Variants in CIAO2B observed in about 807,000 individuals in gnomAD.
CIAO2B encodes the protein MSS19-interacting protein of 18 kDa.
In CIAO2B, 20 loss-of-function variants were observed where a neutral mutation model predicts 16.4. The observed-to-expected ratio is 1.22, with a 90% CI of 0.86 to 1.77. The LOEUF (loss-of-function observed/expected upper bound fraction) is 1.77. CIAO2B is among the 40% of genes most tolerant of loss of function. CIAO2B has a pLI of 0.00. For synonymous variants in CIAO2B, 106 were observed against 90.4 expected, an observed-to-expected ratio of 1.17 and a Z score of -0.98; for missense variants, 215 against 222.4, an observed-to-expected ratio of 0.97 and a Z score of 0.21.
In CIAO2B at chr16:66,932,832, G is replaced by A. The variant is rs1230318524; in HGVS notation, c.349-7C>T. The A allele has an allele frequency of 6.2e-7, 1 of 1,611,566 alleles. No homozygotes were observed. Among genetic ancestry groups the A allele is most frequent in the Non-Finnish European group, 8.5e-7 (1 of 1,178,924 alleles). ...GAGTAATGTGCACGTCCATCTGGGA[G>A]GGAGATAACCAGGGCCTGAACACCC... On this transcript the variant is annotated splice_region_variant and splice_polypyrimidine_tract_variant and intron_variant, in intron 3 of 4. Coordinates refer to ENST00000422424, the MANE Select transcript of CIAO2B (RefSeq NM_016062.4).
chr16:66,933,813 G>A (rs948557220), intron 2 of CIAO2B, 74 bp from the exon 3 acceptor site: 1 of 1,540,034 alleles, frequency 6.5e-7, no homozygotes, highest in Non-Finnish European at 8.8e-7. Context: ...TGTTGTTTTG[G>A]GCAAATCATC....
At chr16:66,933,860 T>C (rs1479031339) in intron 2 of CIAO2B, 121 bp from the exon 3 acceptor site, 7 of 1,538,012 alleles carry the variant, frequency 4.6e-6, no homozygotes, top group South Asian at 2.4e-5. Flanking sequence ...ACCCATAAAA[T>C]AGGCACAACA....
chr16:66,932,873 C>A (rs1182314424), intron 3 of CIAO2B, 48 bp from the exon 4 acceptor site: 4 of 1,598,736 alleles, frequency 2.5e-6, no homozygotes, highest in South Asian at 2.3e-5. Flanking sequence ...CCGACCCACA[C>A]TTTTCCCTGC....
chr16:66,934,313 G>C lies in CIAO2B; in HGVS notation c.52C>G (p.Leu18Val), dbSNP rs1288728164. 8.7e-6 allele frequency: 14 copies of C among 1,604,234 alleles called. No individual in the cohort carries two copies. The South Asian group carries it at 1.4e-4, about 16-fold the overall frequency. The change falls in exon 1 of 5, where the codon CTC (leucine) becomes GTC (valine). Residue 18 changes from leucine (L) to valine (V), a missense_variant. Coordinates refer to ENST00000422424, the MANE Select transcript of CIAO2B (RefSeq NM_016062.4). The surrounding 1 kb of genome is among the most constrained non-coding windows in gnomAD (Gnocchi z 4.1). ...CGCTCCCCAGAGCGCTGGTAGATGA[G>C]GGGGTTGGCATTCTCCAGGAGGCCG... ...GGGLLENANP[L>V]IYQRSGERPV...
chr16:66,933,885 A>AG (rs1963122359), intron 2 of CIAO2B, 102 bp downstream of exon 2: 1 of 1,555,800 alleles, frequency 6.4e-7, no homozygotes, highest in Admixed American at 1.9e-5. Flanking sequence ...CCCTCCCCAA[A>AG]GATACCCTTC....
In CIAO2B at chr16:66,932,276, T is replaced by C; in HGVS notation, c.419A>G (p.Glu140Gly). The C allele has an allele frequency of 1.2e-6, 2 of 1,613,744 alleles. No homozygotes were observed. Among genetic ancestry groups the C allele is most frequent in the South Asian group, 1.1e-5 (1 of 91,034 alleles). The change falls in exon 5 of 5, where the codon GAG (glutamate) becomes GGG (glycine). Residue 140 changes from glutamate (E) to glycine (G), a missense_variant. Glu to Gly is a moderately conservative substitution (Grantham distance 98, BLOSUM62 -2). Coordinates refer to ENST00000422424, the MANE Select transcript of CIAO2B (RefSeq NM_016062.4). ...HAVNKQLADKERVAAALENTH... is the reference protein window; with the variant it reads ...HAVNKQLADKGRVAAALENTH... ...GTTCTCCAGGGCAGCTGCCACCCGC[T>C]CCTTATCTGCAAGTTGCTTGTTCAC...
chr16:66,934,218 G>A lies in CIAO2B; in HGVS notation c.142+5C>T, dbSNP rs754812319. The A allele has an allele frequency of 6.2e-6, 10 of 1,608,620 alleles. No individual in the cohort carries two copies. The Admixed American group carries it at 8.4e-5, about 13-fold the overall frequency. On this transcript the variant is annotated splice_donor_5th_base_variant and intron_variant, in intron 1 of 4. Transcript: ENST00000422424. The surrounding 1 kb of genome is among the most constrained non-coding windows in gnomAD (Gnocchi z 4.1). Reference sequence around the variant, plus strand: ...AACCCGCCCGCGCCCAGCAGCGGCGGATATCGAAGATCTCGCGTGCGTCGA... The same window carrying A: ...AACCCGCCCGCGCCCAGCAGCGGCGAATATCGAAGATCTCGCGTGCGTCGA...
intron 4 of CIAO2B, 68 bp from the exon 5 acceptor site, chr16:66,932,368 C>A: frequency 7.7e-7 from 1 of 1,298,562 alleles, no homozygotes. Context: ...GCTAGCCAGC[C>A]CTACCTCTGA....
In CIAO2B at chr16:66,933,666, A is replaced by G. The variant is rs1268905365; in HGVS notation, c.296T>C (p.Ile99Thr). 3.7e-6 allele frequency: 6 copies of G among 1,606,160 alleles called. No homozygotes were observed. The highest frequency in any genetic ancestry group is 1.3e-5 in the African/African-American group (1 of 74,672). ...TIPHCSMATL[I>T]GLSIKVKLLR... Reference sequence around the variant, plus strand: ...AAGCTTGACCTTGATGGACAGACCAATAAGGGTGGCCATGCTGCAGTGCGG... The same window carrying G: ...AAGCTTGACCTTGATGGACAGACCAGTAAGGGTGGCCATGCTGCAGTGCGG... Residue 99 changes from isoleucine to threonine, a missense_variant, in exon 3 of 5, where the codon ATT (isoleucine) becomes ACT (threonine). Ile to Thr is a moderately conservative substitution (Grantham distance 89, BLOSUM62 -1). Transcript: ENST00000422424.
At position 66,934,252 on chromosome 16, in the gene CIAO2B, G is replaced by A. The variant is rs781470049; in HGVS notation, c.113C>T (p.Pro38Leu). The change falls in exon 1 of 5, where the codon CCC becomes CTC. Residue 38 changes from proline to leucine, a missense_variant. Physicochemically the swap from Pro to Leu is moderately conservative, Grantham distance 98. Coordinates refer to ENST00000422424, the MANE Select transcript of CIAO2B (RefSeq NM_016062.4). This position sits in a 1 kb window ranked among gnomAD's most constrained non-coding sequence, Gnocchi z 4.1. ...VTAGEEDEQV[P>L]DSIDAREIFD... ...GATCTCGCGTGCGTCGATGCTGTCGGGAACCTGCTCGTCCTCCTCGCCTGC... is the reference window on the plus strand; with the variant it reads ...GATCTCGCGTGCGTCGATGCTGTCGAGAACCTGCTCGTCCTCCTCGCCTGC... 48 of 1,609,824 alleles carry A rather than the reference G, an allele frequency of 3.0e-5. No homozygotes were observed. Among genetic ancestry groups the A allele is most frequent in the Non-Finnish European group, 3.9e-5 (46 of 1,179,630 alleles).
chr16:66,932,882 G>A (rs1567543636), intron 3 of CIAO2B, 57 bp from the exon 4 acceptor site: 2 of 1,581,104 alleles, frequency 1.3e-6, no homozygotes, highest in Non-Finnish European at 1.7e-6. Context: ...ACTTTTCCCT[G>A]CAGCCCCCAG....
chr16:66,934,153 GCTGCTCGATATCA>G lies in CIAO2B; in HGVS notation c.142+57_142+69del, dbSNP rs1453494766. The G allele has an allele frequency of 3.7e-6, 6 of 1,610,972 alleles. No individual in the cohort carries two copies. Among genetic ancestry groups the G allele is most frequent in the Non-Finnish European group, 5.1e-6 (6 of 1,178,938 alleles). On this transcript the variant is annotated intron_variant, in intron 1 of 4. Transcript: ENST00000422424. The surrounding 1 kb of genome is among the most constrained non-coding windows in gnomAD (Gnocchi z 4.1). Reference sequence around the variant, plus strand: ...GCCCTGCTGGGATGCGGCTCCACCAGCTGCTCGATATCACTGCTCCCCCCACCGCAAGCCCCCG... The same window carrying G: ...GCCCTGCTGGGATGCGGCTCCACCAGCTGCTCCCCCCACCGCAAGCCCCCG...
Position 66,934,008 on chromosome 16 carries a change from T to C in CIAO2B, c.201A>G (p.Val67=), listed in dbSNP as rs745794018. The change falls in exon 2 of 5, where the codon GTA becomes GTG. Residue 67 remains valine (V), a synonymous_variant. Coordinates refer to ENST00000422424, the MANE Select transcript of CIAO2B (RefSeq NM_016062.4). The surrounding 1 kb of genome is among the most constrained non-coding windows in gnomAD (Gnocchi z 4.1). The stretch of plus-strand genomic sequence containing the variant: ...TCACCTGAACCCGCACCTGCTCTAC[T>C]ACGTTCAACTCCTCTAGCGTCAGTG... ...EHPLTLEELN[V]VEQVRVQVSD... is the part of the protein sequence containing the mutation. The C allele has an allele frequency of 1.9e-6, 3 of 1,613,700 alleles. No individual in the cohort carries two copies. Among genetic ancestry groups the C allele is most frequent in the Admixed American group, 3.3e-5 (2 of 59,988 alleles).
At chr16:66,933,890 C>A in intron 2 of CIAO2B, 97 bp downstream of exon 2, 2 of 1,560,586 alleles carry the variant, frequency 1.3e-6, no homozygotes, top group Non-Finnish European at 1.7e-6. Flanking sequence ...CCCAAAGATA[C>A]CCTTCGGTGT....
Position 66,934,379 on chromosome 16 carries a change from C to G in CIAO2B, c.-15G>C. The G allele has an allele frequency of 6.5e-7, 1 of 1,529,400 alleles. No homozygotes were observed. The highest frequency in any genetic ancestry group is 8.7e-7 in the Non-Finnish European group (1 of 1,144,432). The allele number at this position is 1,529,400 out of a possible 1,614,324, so 94.7% of individuals were successfully genotyped here. ...CCGCCTACCATCGCGGAACCACCAC[C>G]GCTGATCCTAGCAGGCGTGCGCTTC... is the stretch of plus-strand genomic sequence containing the variant. On this transcript the variant is annotated 5_prime_UTR_variant, in exon 1 of 5. Transcript: ENST00000422424. This position sits in a 1 kb window ranked among gnomAD's most constrained non-coding sequence, Gnocchi z 4.1.
intron 2 of CIAO2B, 44 bp downstream of exon 2, chr16:66,933,943 T>C: frequency 6.2e-7 from 1 of 1,609,276 alleles, no homozygotes; most frequent in South Asian, 1.1e-5. Flanking sequence ...ACAGAAACCT[T>C]TCTGACTCTC....
In CIAO2B at chr16:66,933,342, C is replaced by T. The variant is rs538817444; in HGVS notation, c.348+272G>A. The stretch of plus-strand genomic sequence containing the variant: ...TGGCCCACTACTGTTGATTTAAAGG[C>T]CTGCCTGTGCCCCACCCCTGGTCCA... On this transcript the variant is annotated intron_variant, in intron 3 of 4. Coordinates refer to ENST00000422424, the MANE Select transcript of CIAO2B (RefSeq NM_016062.4). 5 of 450,618 alleles carry T rather than the reference C, an allele frequency of 1.1e-5. No homozygotes were observed. The East Asian group carries it at 1.7e-4, about 15-fold the overall frequency. The allele number at this position is 450,618 out of a possible 1,614,324, so 27.9% of individuals were successfully genotyped here. A position where few individuals can be genotyped will look rare whatever the true frequency, so the allele number is the denominator to read the frequency against.
At chr16:66,932,353 A>G in intron 4 of CIAO2B, 53 bp from the exon 5 acceptor site, 2 of 1,478,558 alleles carry the variant, frequency 1.4e-6, no homozygotes, top group Non-Finnish European at 1.9e-6. Flanking sequence ...GGCTCTGGCC[A>G]GAGTGCTAGC....
At chr16:66,933,181 A>G (rs3759994) in intron 3 of CIAO2B, among the ~76,000 whole-genome samples, 40,577 of 151,728 alleles carry the variant, frequency 0.27, 7,417 homozygotes, top group African/African-American at 0.52. Context: ...TAGAGATGAG[A>G]TTTCACCATG....
Sources: allele counts gnomAD v4.1 joint callset (sites outside exome capture counted in the v4.1 genomes callset), GRCh38; gene constraint gnomAD v4.1.1; non-coding constraint Gnocchi (gnomAD v3.1); transcripts MANE v1.5; gene names NCBI Gene and HGNC (gene_info 2026-07-23, HGNC 2026-07-21).